Variants in EPB41 observed in about 807,000 individuals in gnomAD.
The protein encoded by EPB41 is protein 4.1.
A neutral mutation model predicts 108.0 loss-of-function variants in EPB41; 65 were observed. That is an observed-to-expected ratio of 0.60 (90% confidence interval 0.49 to 0.74). The LOEUF (loss-of-function observed/expected upper bound fraction) is 0.74. Among genes scored for constraint, EPB41 ranks in the 30% least tolerant of loss-of-function variants. The pLI is 0.00. For missense variants in EPB41, 875 were observed against 1,037.0 expected, an observed-to-expected ratio of 0.84 and a Z score of 2.15; for synonymous variants, 336 against 358.9, an observed-to-expected ratio of 0.94 and a Z score of 0.72.
chr1:29,096,447 C>T, intron 16 of EPB41: 2 of 985,882 alleles, frequency 2.0e-6, no homozygotes, highest in Non-Finnish European at 2.4e-6. Context: ...TTAAAGTTCT[C>T]AGTAACACCA....
intron 16 of EPB41, among the ~76,000 whole-genome samples, chr1:29,085,233 C>T (rs1164866532): frequency 6.7e-6 from 1 of 149,238 alleles, no homozygotes; most frequent in African/African-American, 2.5e-5. Context: ...ACCTCTGCCT[C>T]CTGGGTTCAA....
chr1:28,991,560 T>G (rs1156769933), intron 2 of EPB41, among the ~76,000 whole-genome samples: 1 of 151,766 alleles, frequency 6.6e-6, no homozygotes, highest in Non-Finnish European at 1.5e-5. Context: ...AAAAACTAGC[T>G]AGGCATGGTG....
intron 4 of EPB41, among the ~76,000 whole-genome samples, chr1:29,010,724 ATTGGCGTGGGC>A (rs1160204074): frequency 1.3e-5 from 2 of 152,188 alleles, no homozygotes; most frequent in African/African-American, 4.8e-5. Flanking sequence ...GAAGGACAAG[ATTGGCGTGGGC>A]AAGAGTAGTT....
At chr1:28,967,298 G>A (rs1307574344) in intron 1 of EPB41, among the ~76,000 whole-genome samples, 2 of 152,140 alleles carry the variant, frequency 1.3e-5, no homozygotes, top group African/African-American at 4.8e-5. Flanking sequence ...GATTACAGGC[G>A]TGAGCCACCA....
chr1:29,055,285 T>G (rs1171561794), intron 12 of EPB41, among the ~76,000 whole-genome samples: 1 of 152,186 alleles, frequency 6.6e-6, no homozygotes, highest in East Asian at 1.9e-4. Context: ...ATCCCTCTAT[T>G]TGTTATACTA....
intron 1 of EPB41, among the ~76,000 whole-genome samples, chr1:28,897,134 TGTG>T (rs2090753778): frequency 6.6e-6 from 1 of 152,064 alleles, no homozygotes; most frequent in Non-Finnish European, 1.5e-5. Flanking sequence ...AGGGGTCCCT[TGTG>T]GTGACCCTGG....
intron 1 of EPB41, among the ~76,000 whole-genome samples, chr1:28,922,210 C>T (rs950374891): frequency 7.9e-5 from 12 of 151,470 alleles, no homozygotes; most frequent in Admixed American, 3.3e-4. Flanking sequence ...CCTCCTGGTC[C>T]GCCCGCCTTG....
intron 15 of EPB41, 150 bp downstream of exon 15, chr1:29,060,634 G>A (rs1227753573): frequency 1.5e-6 from 1 of 685,232 alleles, no homozygotes; most frequent in African/African-American, 1.8e-5. Context: ...GCATGTTGGT[G>A]AACATGAAGA....
chr1:29,074,896 C>T (rs1199656390), intron 16 of EPB41, among the ~76,000 whole-genome samples: 2 of 152,196 alleles, frequency 1.3e-5, no homozygotes, highest in African/African-American at 4.8e-5. Flanking sequence ...CGGTGGCTCA[C>T]GCCTATAATC....
intron 1 of EPB41, among the ~76,000 whole-genome samples, chr1:28,975,940 CAA>C (rs775554564): frequency 1.3e-4 from 9 of 67,668 alleles, no homozygotes; most frequent in South Asian, 4.5e-4. Context: ...GACTCCATCT[CAA>C]AAAAAAAAAA....
chr1:28,915,942 T>C (rs203279), intron 1 of EPB41, among the ~76,000 whole-genome samples: 2 of 152,014 alleles, frequency 1.3e-5, no homozygotes, highest in Admixed American at 1.3e-4. Context: ...TTTTAGTTGG[T>C]TTGATCCCTT....
intron 15 of EPB41, among the ~76,000 whole-genome samples, chr1:29,062,984 C>T (rs1646808233): frequency 6.6e-6 from 1 of 152,206 alleles, no homozygotes; most frequent in Admixed American, 6.5e-5. Context: ...TAGCAAATTA[C>T]AAGTCTCTTA....
chr1:28,950,108 G>GTA (rs1182326069), intron 1 of EPB41, among the ~76,000 whole-genome samples: 2 of 152,160 alleles, frequency 1.3e-5, no homozygotes, highest in Admixed American at 6.6e-5. Context: ...ACATGTGTGT[G>GTA]TTAGTGTGTT....
At chr1:28,954,576 T>A (rs1271354583) in intron 1 of EPB41, among the ~76,000 whole-genome samples, 1 of 152,222 alleles carries the variant, frequency 6.6e-6, no homozygotes, top group Non-Finnish European at 1.5e-5. Context: ...TTTTAGTTCT[T>A]AAGTAACTTT....
intron 16 of EPB41, among the ~76,000 whole-genome samples, chr1:29,081,398 G>T (rs925934589): frequency 6.6e-6 from 1 of 152,072 alleles, no homozygotes; most frequent in African/African-American, 2.4e-5. Flanking sequence ...TGTGGGTGTG[G>T]GTATGTGGGT....
intron 1 of EPB41, among the ~76,000 whole-genome samples, chr1:28,930,551 C>T (rs921479479): frequency 1.1e-4 from 16 of 151,762 alleles, no homozygotes; most frequent in African/African-American, 3.6e-4. Context: ...GTGGCACGAT[C>T]TTGACTCACT....
chr1:29,113,591 G>A (rs557352228), intron 19 of EPB41, among the ~76,000 whole-genome samples: 2 of 152,332 alleles, frequency 1.3e-5, no homozygotes, highest in African/African-American at 4.8e-5. Context: ...AAAGCAATGC[G>A]GTGAAAGGTG....
At chr1:28,958,993 G>A (rs898428346) in intron 1 of EPB41, among the ~76,000 whole-genome samples, 1 of 151,994 alleles carries the variant, frequency 6.6e-6, no homozygotes, top group Non-Finnish European at 1.5e-5. Flanking sequence ...GGGCTTTGAA[G>A]GAGGGTTAGA....
At chr1:29,051,940 T>A (rs1644600054) in intron 11 of EPB41, among the ~76,000 whole-genome samples, 1 of 151,512 alleles carries the variant, frequency 6.6e-6, no homozygotes, top group African/African-American at 2.4e-5. Context: ...GATAACAATA[T>A]GTTATCAGAA....
Sources: gnomAD v4.1 joint callset for allele counts (sites outside exome capture counted in the v4.1 genomes callset) on GRCh38, gnomAD v4.1.1 for gene constraint, MANE v1.5 for transcripts, NCBI Gene and HGNC (gene_info 2026-07-23, HGNC 2026-07-21) for gene names.